Variants in MALRD1 observed in about 807,000 individuals in gnomAD.
The protein encoded by MALRD1 is MAM and LDL receptor class A domain containing 1.
Under a neutral mutation model 242.1 loss-of-function variants are expected in MALRD1, and 247 were observed. The observed-to-expected ratio is 1.02, with a 90% confidence interval of 0.92 to 1.13. The LOEUF (loss-of-function observed/expected upper bound fraction) is 1.13, where lower values mean the gene tolerates loss of function less well. MALRD1 is among the 50% of genes most tolerant of loss of function. The probability of loss-of-function intolerance (pLI) is 0.00; values close to 1 mark genes in which losing one functional copy is unlikely to be tolerated. For synonymous variants in MALRD1, 995 were observed against 866.6 expected (o/e 1.15, Z -2.60); for missense variants, 2,989 against 2,533.1 (o/e 1.18, Z -3.86).
At chr10:19,631,989 C>G (rs1012463529) in intron 36 of MALRD1, among the ~76,000 whole-genome samples, 4 of 152,056 alleles carry the variant, frequency 2.6e-5, no homozygotes, top group Non-Finnish European at 5.9e-5. Context: ...AATTGTATAG[C>G]AGTATCAGTC....
chr10:19,221,266 T>C (rs1468639999), intron 18 of MALRD1, among the ~76,000 whole-genome samples: 1 of 152,160 alleles, frequency 6.6e-6, no homozygotes, highest in Non-Finnish European at 1.5e-5. Flanking sequence ...TGTTTAATAA[T>C]GTTAAGTTGA....
chr10:19,115,057 T>C (rs72788938), intron 5 of MALRD1, among the ~76,000 whole-genome samples: 11,021 of 152,214 alleles, frequency 0.072, 551 homozygotes, highest in Non-Finnish European at 0.11. Flanking sequence ...CAGTTCAACA[T>C]AGGAATTTTG....
At chr10:19,694,499 A>C (rs1330688109) in intron 38 of MALRD1, among the ~76,000 whole-genome samples, 1 of 152,232 alleles carries the variant, frequency 6.6e-6, no homozygotes, top group East Asian at 1.9e-4. Flanking sequence ...CCATCAGAGA[A>C]ATGTAAATCA....
chr10:19,270,346 A>T (rs1243810885), intron 19 of MALRD1, among the ~76,000 whole-genome samples: 266 of 144,748 alleles, frequency 1.8e-3, no homozygotes, highest in African/African-American at 5.2e-3. Context: ...TCACACACAC[A>T]CACACACACA....
intron 2 of MALRD1, among the ~76,000 whole-genome samples, chr10:19,069,954 C>T (rs1210583149): frequency 6.6e-6 from 1 of 152,034 alleles, no homozygotes; most frequent in Non-Finnish European, 1.5e-5. Context: ...GTCCCATTCT[C>T]CCTTTCATTT....
chr10:19,237,899 T>TTATATAG (rs1564491188), intron 18 of MALRD1, among the ~76,000 whole-genome samples: 1 of 85,028 alleles, frequency 1.2e-5, no homozygotes, highest in Non-Finnish European at 2.3e-5. Flanking sequence ...ACATTATAAA[T>TTATATAG]AATTTTATAT....
At chr10:19,133,211 G>C (rs183150229) in intron 8 of MALRD1, among the ~76,000 whole-genome samples, 21 of 152,254 alleles carry the variant, frequency 1.4e-4, no homozygotes, top group Non-Finnish European at 1.5e-4. Flanking sequence ...TACACTCATA[G>C]CATGTAGTAA....
At chr10:19,362,559 G>GAC (rs1434576186) in intron 26 of MALRD1, among the ~76,000 whole-genome samples, 1 of 152,118 alleles carries the variant, frequency 6.6e-6, no homozygotes, top group Non-Finnish European at 1.5e-5. Flanking sequence ...ATGGTACCAA[G>GAC]ACAGGGCATG....
intron 10 of MALRD1, among the ~76,000 whole-genome samples, chr10:19,138,928 G>A (rs1456037522): frequency 6.6e-6 from 1 of 152,124 alleles, no homozygotes; most frequent in Admixed American, 6.6e-5. Context: ...GTGAATGCAG[G>A]AATGGGTAAT....
intron 28 of MALRD1, among the ~76,000 whole-genome samples, chr10:19,418,070 T>G (rs1330505598): frequency 2.6e-5 from 4 of 152,130 alleles, no homozygotes; most frequent in Non-Finnish European, 1.5e-5. Context: ...GACAAATTTT[T>G]TTAATATCGA....
At chr10:19,718,047 GGAAGAAGAAGAGGAA>G (rs1834482552) in intron 38 of MALRD1, among the ~76,000 whole-genome samples, 1 of 137,902 alleles carries the variant, frequency 7.3e-6, no homozygotes, top group African/African-American at 2.7e-5. Flanking sequence ...AAGAAGAAGA[GGAAGAAGAAGAGGAA>G]GAAGAAGAAG....
chr10:19,330,336 C>A (rs570874990), intron 23 of MALRD1, among the ~76,000 whole-genome samples: 2 of 150,498 alleles, frequency 1.3e-5, no homozygotes, highest in Non-Finnish European at 3.0e-5. Flanking sequence ...AAAGACTTAC[C>A]GCATCTGAAG....
chr10:19,484,223 C>G (rs529149389), intron 29 of MALRD1, among the ~76,000 whole-genome samples: 1 of 152,266 alleles, frequency 6.6e-6, no homozygotes, highest in East Asian at 1.9e-4. Flanking sequence ...CTCAGCATCA[C>G]ACAATATATC....
At chr10:19,145,391 C>T (rs1195437613) in intron 10 of MALRD1, among the ~76,000 whole-genome samples, 3 of 152,080 alleles carry the variant, frequency 2.0e-5, no homozygotes, top group African/African-American at 7.2e-5. Flanking sequence ...TGCCTGTAAA[C>T]CCAGCACTTT....
At chr10:19,544,568 C>CT (rs370982591) in intron 32 of MALRD1, among the ~76,000 whole-genome samples, 1,727 of 143,990 alleles carry the variant, frequency 0.012, 18 homozygotes, top group Non-Finnish European at 0.013. Context: ...ATTGCTGTGC[C>CT]TTTTTTTTTT....
intron 33 of MALRD1, among the ~76,000 whole-genome samples, chr10:19,578,881 G>A (rs1362349680): frequency 2.0e-5 from 3 of 151,764 alleles, no homozygotes; most frequent in Admixed American, 6.6e-5. Flanking sequence ...TTACATCTTC[G>A]TACTTGAGCC....
In MALRD1 at chr10:19,283,441, G is replaced by T. The variant is rs185491410; in HGVS notation, c.3419+260G>T. The stretch of plus-strand genomic sequence containing the variant: ...ATTTAATATTATCACTCTTTGAAAA[G>T]CCCTGTTAGTATATTGTTTTTAAAA... On this transcript the variant is annotated intron_variant, in intron 21 of 39. Transcript: ENST00000454679. 1.9e-4 allele frequency among the ~76,000 whole-genome samples: 29 copies of T among 152,218 alleles called. No individual in the cohort carries two copies. In the East Asian group the frequency reaches 5.0e-3, roughly 26 times the overall value.
At chr10:19,733,181 AACATTC>A (rs1835363702) in intron 39 of MALRD1, among the ~76,000 whole-genome samples, 1 of 152,164 alleles carries the variant, frequency 6.6e-6, no homozygotes, top group Non-Finnish European at 1.5e-5. Flanking sequence ...TATTCATGGC[AACATTC>A]GTTGGCAATT....
At chr10:19,277,066 T>C (rs752092686) in intron 19 of MALRD1, among the ~76,000 whole-genome samples, 30 of 151,890 alleles carry the variant, frequency 2.0e-4, no homozygotes, top group Non-Finnish European at 3.4e-4. Context: ...ACTACAGGTG[T>C]GGGCCACCAT....
Sources: gnomAD v4.1 joint callset for allele counts (sites outside exome capture counted in the v4.1 genomes callset) on GRCh38, gnomAD v4.1.1 for gene constraint, MANE v1.5 for transcripts, NCBI Gene and HGNC (gene_info 2026-07-23, HGNC 2026-07-21) for gene names.